Variants in CFAP299 observed in about 807,000 individuals in gnomAD.
CFAP299 encodes the protein cilia- and flagella-associated protein 299.
Under a neutral mutation model 27.0 loss-of-function variants are expected in CFAP299, and 21 were observed. The observed-to-expected ratio is 0.78, with a 90% CI of 0.55 to 1.12. The LOEUF (loss-of-function observed/expected upper bound fraction) is 1.12, where lower values mean the gene tolerates loss of function less well. CFAP299 is among the 50% of genes most tolerant of loss of function. The pLI is 0.00. For missense variants in CFAP299, 310 were observed against 276.6 expected (o/e 1.12, Z -0.86); for synonymous variants, 104 against 98.1 (o/e 1.06, Z -0.36).
At chr4:80,404,799 G>A (rs757724772) in intron 2 of CFAP299, among the ~76,000 whole-genome samples, 3 of 152,158 alleles carry the variant, frequency 2.0e-5, no homozygotes, top group Non-Finnish European at 4.4e-5. Flanking sequence ...ATATATGCCT[G>A]TTAGTGGGAT....
chr4:80,644,064 T>C (rs1739861160), intron 3 of CFAP299, among the ~76,000 whole-genome samples: 1 of 152,172 alleles, frequency 6.6e-6, no homozygotes, highest in Non-Finnish European at 1.5e-5. Flanking sequence ...GAATACTGTG[T>C]AGTTATTAGA....
At chr4:80,340,329 T>C (rs75591589) in intron 1 of CFAP299, among the ~76,000 whole-genome samples, 1 of 152,116 alleles carries the variant, frequency 6.6e-6, no homozygotes, top group African/African-American at 2.4e-5. Flanking sequence ...GGAGGCCACT[T>C]TACCAGGGCC....
intron 2 of CFAP299, among the ~76,000 whole-genome samples, chr4:80,479,518 C>T (rs1730449430): frequency 6.6e-6 from 1 of 151,848 alleles, no homozygotes; most frequent in Non-Finnish European, 1.5e-5. Context: ...TATGTGAATA[C>T]ACTGGGGAAA....
intron 5 of CFAP299, among the ~76,000 whole-genome samples, chr4:80,950,304 A>C (rs1351505720): frequency 2.0e-5 from 3 of 149,408 alleles, no homozygotes; most frequent in Non-Finnish European, 4.4e-5. Context: ...GAGAACTATG[A>C]AGCTTAAAGG....
At chr4:80,578,233 G>T (rs1560634770) in intron 2 of CFAP299, among the ~76,000 whole-genome samples, 1 of 152,142 alleles carries the variant, frequency 6.6e-6, no homozygotes, top group Non-Finnish European at 1.5e-5. Context: ...TTTAAGCAAG[G>T]TTTCTTAGGT....
At chr4:80,494,979 G>A (rs564563596) in intron 2 of CFAP299, among the ~76,000 whole-genome samples, 2 of 152,178 alleles carry the variant, frequency 1.3e-5, no homozygotes, top group Non-Finnish European at 2.9e-5. Flanking sequence ...GTCTTGAAGA[G>A]TCTTAATTCC....
In CFAP299 at chr4:80,583,147, A is replaced by T. The variant is rs759979773; in HGVS notation, c.297A>T (p.Ala99=). The T allele has an allele frequency of 3.1e-6, 5 of 1,606,650 alleles. No homozygotes were observed. Among genetic ancestry groups the T allele is most frequent in the Non-Finnish European group, 4.3e-6 (5 of 1,175,156 alleles). The change falls in exon 3 of 6, where the codon GCA becomes GCT. Residue 99 remains alanine, a synonymous_variant. Coordinates refer to ENST00000358105, the MANE Select transcript of CFAP299 (RefSeq NM_152770.3). ...AAGATAATTTTCTGACGGCCCTGGC[A>T]ATGAGAGAAGAAGACAATCGCAGTG... ...DLQDNFLTAL[A]MREEDNRSGK... is the part of the protein sequence containing the mutation.
chr4:80,755,582 C>T (rs1725192597), intron 3 of CFAP299, among the ~76,000 whole-genome samples: 3 of 152,028 alleles, frequency 2.0e-5, no homozygotes, highest in Admixed American at 2.0e-4. Flanking sequence ...GACCGTTGAA[C>T]TTGAGGGGGA....
intron 2 of CFAP299, among the ~76,000 whole-genome samples, chr4:80,544,993 A>G (rs1560616704): frequency 6.6e-6 from 1 of 152,228 alleles, no homozygotes; most frequent in African/African-American, 2.4e-5. Context: ...TTAAAAACAA[A>G]TGAACTAATA....
chr4:80,535,992 A>T (rs1195596463), intron 2 of CFAP299, among the ~76,000 whole-genome samples: 1 of 152,202 alleles, frequency 6.6e-6, no homozygotes, highest in Non-Finnish European at 1.5e-5. Flanking sequence ...TGTGTTGAAG[A>T]TGTTAAAGAA....
At chr4:80,482,780 C>T (rs1247203600) in intron 2 of CFAP299, among the ~76,000 whole-genome samples, 1 of 152,134 alleles carries the variant, frequency 6.6e-6, no homozygotes, top group Non-Finnish European at 1.5e-5. Flanking sequence ...ACATTAAATA[C>T]CGAAGCTAAA....
chr4:80,663,592 A>G (rs1000257362), intron 3 of CFAP299, among the ~76,000 whole-genome samples: 1 of 152,194 alleles, frequency 6.6e-6, no homozygotes, highest in Non-Finnish European at 1.5e-5. Context: ...GCTGCAATAG[A>G]CATACGTGTG....
intron 2 of CFAP299, among the ~76,000 whole-genome samples, chr4:80,558,358 G>GTTTTTTTTT (rs1174909337): frequency 1.6e-5 from 2 of 121,680 alleles, no homozygotes; most frequent in African/African-American, 6.6e-5. Flanking sequence ...TTGTTTGTTT[G>GTTTTTTTTT]TTTGTTTGTT....
chr4:80,824,968 A>C (rs911523917), intron 3 of CFAP299, among the ~76,000 whole-genome samples: 3 of 152,052 alleles, frequency 2.0e-5, no homozygotes, highest in Admixed American at 1.3e-4. Flanking sequence ...GACTTTCCTA[A>C]AAGTCTTTGC....
At chr4:80,345,777 T>C (rs1722697932) in intron 1 of CFAP299, among the ~76,000 whole-genome samples, 1 of 152,222 alleles carries the variant, frequency 6.6e-6, no homozygotes, top group African/African-American at 2.4e-5. Flanking sequence ...TATAATCCTT[T>C]GGGTATGTAC....
intron 3 of CFAP299, among the ~76,000 whole-genome samples, chr4:80,590,843 T>C (rs1365378131): frequency 6.6e-6 from 1 of 151,700 alleles, no homozygotes; most frequent in Non-Finnish European, 1.5e-5. Context: ...TAGGAGGAGG[T>C]TGGAAAAGAA....
At chr4:80,478,848 C>T (rs375025325) in intron 2 of CFAP299, among the ~76,000 whole-genome samples, 4 of 149,432 alleles carry the variant, frequency 2.7e-5, no homozygotes, top group South Asian at 2.1e-4. Flanking sequence ...ATGATGGGTT[C>T]GCATACATTT....
chr4:80,722,078 C>T (rs1722849573), intron 3 of CFAP299, among the ~76,000 whole-genome samples: 1 of 152,090 alleles, frequency 6.6e-6, no homozygotes, highest in Non-Finnish European at 1.5e-5. Flanking sequence ...GAAATATCTG[C>T]AACATATAAT....
intron 3 of CFAP299, among the ~76,000 whole-genome samples, chr4:80,713,702 A>C (rs1722306430): frequency 6.6e-6 from 1 of 152,180 alleles, no homozygotes. Flanking sequence ...GTGAGGTAAG[A>C]CTCAAAGCCA....
Sources: allele counts gnomAD v4.1 joint callset (sites outside exome capture counted in the v4.1 genomes callset), GRCh38; gene constraint gnomAD v4.1.1; transcripts MANE v1.5; gene names NCBI Gene and HGNC (gene_info 2026-07-23, HGNC 2026-07-21).